DPP6: variants seen among roughly 807,000 people sequenced by gnomAD.
DPP6 encodes dipeptidyl peptidase like 6.
A neutral mutation model predicts 122.6 loss-of-function variants in DPP6; 69 were observed. The observed-to-expected ratio is 0.56, with a 90% CI of 0.46 to 0.69. DPP6 has a LOEUF of 0.69. Ranked by LOEUF, DPP6 falls within the 30% of genes least tolerant of loss-of-function variation. DPP6 has a pLI of 0.00. For missense variants in DPP6, 928 were observed against 1,116.9 expected (o/e 0.83, Z 2.41); for synonymous variants, 418 against 433.1 (o/e 0.97, Z 0.43).
intron 1 of DPP6, among the ~76,000 whole-genome samples, chr7:154,227,764 A>C (rs952028360): frequency 2.6e-5 from 4 of 152,116 alleles, no homozygotes; most frequent in Admixed American, 6.6e-5. Context: ...TTGTCATTCA[A>C]AACTGAAGGA....
chr7:154,557,252 A>G (rs550366606), intron 4 of DPP6, among the ~76,000 whole-genome samples: 36 of 152,286 alleles, frequency 2.4e-4, no homozygotes, highest in Admixed American at 7.2e-4. Flanking sequence ...AATGCCTGGA[A>G]TCACACCTAA....
chr7:154,540,348 A>G (rs1828615909), intron 3 of DPP6, among the ~76,000 whole-genome samples, 184 bp from the exon 4 acceptor site: 1 of 152,180 alleles, frequency 6.6e-6, no homozygotes. Context: ...GTAGGAGAGA[A>G]GCATCATGTG....
At chr7:154,722,744 A>G (rs372098783) in intron 7 of DPP6, among the ~76,000 whole-genome samples, 5 of 152,206 alleles carry the variant, frequency 3.3e-5, no homozygotes, top group East Asian at 1.9e-4. Flanking sequence ...ACACGTAGGG[A>G]GGCTTCAAGT....
chr7:153,951,398 G>T (rs1251146381), intron 1 of DPP6, among the ~76,000 whole-genome samples: 1 of 152,142 alleles, frequency 6.6e-6, no homozygotes, highest in African/African-American at 2.4e-5. Context: ...GGTCAGTCAG[G>T]CAGGAGCTGG....
chr7:153,915,207 C>T (rs1800255365), intron 1 of DPP6, among the ~76,000 whole-genome samples: 1 of 152,170 alleles, frequency 6.6e-6, no homozygotes, highest in Non-Finnish European at 1.5e-5. Flanking sequence ...ACCTTCTAAA[C>T]ATTCTACAGA....
chr7:154,546,690 G>A (rs1829225338), intron 4 of DPP6, among the ~76,000 whole-genome samples: 1 of 151,962 alleles, frequency 6.6e-6, no homozygotes, highest in Non-Finnish European at 1.5e-5. Context: ...TTTTATCTCT[G>A]TCTCTAAAAA....
At chr7:154,111,829 G>A (rs1256701068) in intron 1 of DPP6, among the ~76,000 whole-genome samples, 2 of 152,170 alleles carry the variant, frequency 1.3e-5, no homozygotes, top group Non-Finnish European at 2.9e-5. Flanking sequence ...TTGTGTTGGT[G>A]CGTAGGCAGG....
chr7:153,966,634 C>T lies in DPP6; in HGVS notation c.51+78900C>T, dbSNP rs2531098. Among the ~76,000 whole-genome samples, 44 of 136,908 alleles carry T rather than the reference C, an allele frequency of 3.2e-4. No homozygotes were observed. The South Asian group carries it at 3.5e-3, about 11-fold the overall frequency. 89.8% of individuals were successfully genotyped at this position (136,908 alleles called of 152,430 possible). On this transcript the variant is annotated intron_variant, in intron 1 of 25. Transcript: ENST00000404039. ...TTAAAAAATTATACTTTAATTTTTACAGTATATGTGCACAACGTGCAGGTT... is the reference window on the plus strand; with the variant it reads ...TTAAAAAATTATACTTTAATTTTTATAGTATATGTGCACAACGTGCAGGTT...
intron 1 of DPP6, among the ~76,000 whole-genome samples, chr7:154,385,221 G>A (rs1312464860): frequency 1.3e-5 from 2 of 152,048 alleles, no homozygotes; most frequent in South Asian, 2.1e-4. Flanking sequence ...CGCCCGCCTC[G>A]GCCTCCCAAT....
chr7:153,926,550 GAGGTGTGATGGAAGTTGAT>G (rs1800909435), intron 1 of DPP6, among the ~76,000 whole-genome samples: 1 of 152,170 alleles, frequency 6.6e-6, no homozygotes, highest in African/African-American at 2.4e-5. Context: ...CAGAAGGTAA[GAGGTGTGATGGAAGTTGAT>G]AGGTGACTGT....
chr7:154,741,508 C>G (rs560322532), intron 8 of DPP6, among the ~76,000 whole-genome samples: 2 of 152,344 alleles, frequency 1.3e-5, no homozygotes, highest in Non-Finnish European at 2.9e-5. Context: ...AGCGAGCCAG[C>G]CAGCACCTTC....
intron 1 of DPP6, among the ~76,000 whole-genome samples, chr7:154,180,854 C>A (rs1274030170): frequency 6.6e-6 from 1 of 152,098 alleles, no homozygotes. Context: ...TCATGCCTAC[C>A]TTTTCAAAAT....
At chr7:154,540,091 C>G (rs1321205635) in intron 3 of DPP6, among the ~76,000 whole-genome samples, 1 of 152,180 alleles carries the variant, frequency 6.6e-6, no homozygotes, top group African/African-American at 2.4e-5. Flanking sequence ...CAAGCAAGAG[C>G]ACCTAGGGGA....
intron 1 of DPP6, chr7:154,094,146 C>T (rs1466902770): frequency 6.6e-6 from 1 of 152,170 alleles, no homozygotes; most frequent in Non-Finnish European, 1.5e-5. Flanking sequence ...GAGAACTCCT[C>T]CTTGAGGAAT....
chr7:154,305,022 CA>C (rs1806174833), intron 1 of DPP6: 3 of 5,938 alleles, frequency 5.1e-4, no homozygotes, highest in African/African-American at 1.4e-3. Context: ...GCCCCCTCCC[CA>C]GCCCCAGCCC....
intron 4 of DPP6, among the ~76,000 whole-genome samples, chr7:154,549,748 G>T (rs750862788): frequency 6.6e-6 from 1 of 152,022 alleles, no homozygotes; most frequent in Non-Finnish European, 1.5e-5. Context: ...CCTTATCATC[G>T]CATGTGGGCC....
At chr7:154,359,843 G>A (rs899716285) in intron 1 of DPP6, among the ~76,000 whole-genome samples, 6 of 152,186 alleles carry the variant, frequency 3.9e-5, no homozygotes, top group East Asian at 3.9e-4. Context: ...TTAGAGAAAC[G>A]TTTTGACTAA....
chr7:154,373,416 G>A (rs1165334135), intron 1 of DPP6, among the ~76,000 whole-genome samples: 2 of 152,144 alleles, frequency 1.3e-5, no homozygotes, highest in South Asian at 2.1e-4. Context: ...CGGTTGTGAG[G>A]AGCCATCTCT....
rs536708338 is a variant in DPP6 at position 154,411,008 on chromosome 7, C to G, written c.244-35206C>G. On this transcript the variant is annotated intron_variant, in intron 1 of 25. Coordinates refer to ENST00000377770, the MANE Select transcript of DPP6 (RefSeq NM_130797.4). ...GGGCCAAGAATGTTCCCTGCCCCAA[C>G]TCCGTGAAAAATTTCCATTACATCA... Among the ~76,000 whole-genome samples the G allele has an allele frequency of 5.1e-4, 78 of 152,320 alleles. No homozygotes were observed. The Middle Eastern group carries it at 0.024, about 46-fold the overall frequency.
Sources: gnomAD v4.1 joint callset for allele counts (sites outside exome capture counted in the v4.1 genomes callset) on GRCh38, gnomAD v4.1.1 for gene constraint, MANE v1.5 for transcripts, NCBI Gene and HGNC (gene_info 2026-07-23, HGNC 2026-07-21) for gene names.